Variants in CELF2 observed in about 807,000 individuals in gnomAD.
The protein encoded by CELF2 is CUG triplet repeat RNA-binding protein 2.
In CELF2, 8 loss-of-function variants were observed where a neutral mutation model predicts 62.6. The observed-to-expected ratio is 0.13, with a 90% CI of 0.07 to 0.23. The LOEUF is 0.23. Among genes scored for constraint, CELF2 ranks in the 10% least tolerant of loss-of-function variants. The probability of loss-of-function intolerance (pLI) is 1.00; values close to 1 mark genes in which losing one functional copy is unlikely to be tolerated. For missense variants in CELF2, 333 were observed against 671.0 expected (o/e 0.50, Z 5.56); for synonymous variants, 258 against 250.0 (o/e 1.03, Z -0.30).
chr10:10,569,143 G>A, the CELF2 span, among the ~76,000 whole-genome samples: 125 of 152,232 alleles, frequency 8.2e-4, 1 homozygote, highest in African/African-American at 2.9e-3. Flanking sequence ...AATTTTCTGG[G>A]ATTTGGTAAG....
chr10:10,670,999 T>C, the CELF2 span, among the ~76,000 whole-genome samples: 1 of 151,880 alleles, frequency 6.6e-6, no homozygotes, highest in Non-Finnish European at 1.5e-5. Flanking sequence ...AAACCCCATC[T>C]CTACAAAAAA....
At chr10:10,608,898 C>T in the CELF2 span, among the ~76,000 whole-genome samples, 29 of 152,222 alleles carry the variant, frequency 1.9e-4, no homozygotes, top group African/African-American at 6.7e-4. Flanking sequence ...ATAGGGACCC[C>T]GTGAATCAGC....
chr10:10,580,367 T>C, the CELF2 span, among the ~76,000 whole-genome samples: 2 of 152,152 alleles, frequency 1.3e-5, no homozygotes, highest in African/African-American at 2.4e-5. Context: ...TCTAGAATTG[T>C]TCACTGAAAA....
intron 1 of CELF2, among the ~76,000 whole-genome samples, chr10:11,099,293 C>T (rs2050776882): frequency 6.6e-6 from 1 of 152,154 alleles, no homozygotes; most frequent in Non-Finnish European, 1.5e-5. Flanking sequence ...CAGTGTGGTA[C>T]ATCTGAGAAG....
the CELF2 span, among the ~76,000 whole-genome samples, chr10:10,693,799 A>G: frequency 6.6e-6 from 1 of 151,792 alleles, no homozygotes; most frequent in Non-Finnish European, 1.5e-5. Flanking sequence ...TTATTTGCGT[A>G]GAGGTGTTTG....
intron 1 of CELF2, among the ~76,000 whole-genome samples, chr10:11,048,273 G>A (rs1429345902): frequency 6.6e-6 from 1 of 152,228 alleles, no homozygotes; most frequent in African/African-American, 2.4e-5. Context: ...CTTGACAATA[G>A]AAAAGTTGAC....
intron 1 of CELF2, among the ~76,000 whole-genome samples, chr10:11,123,974 G>A (rs934132314): frequency 6.6e-6 from 1 of 152,142 alleles, no homozygotes; most frequent in African/African-American, 2.4e-5. Flanking sequence ...CATGGCTGGG[G>A]AGGCCTCACA....
chr10:10,751,066 C>T, the CELF2 span, among the ~76,000 whole-genome samples: 1 of 152,228 alleles, frequency 6.6e-6, no homozygotes, highest in Admixed American at 6.5e-5. Context: ...CTGAATATTC[C>T]TTGCACTCTT....
At chr10:11,103,320 G>T (rs1227357362) in intron 1 of CELF2, among the ~76,000 whole-genome samples, 1 of 137,872 alleles carries the variant, frequency 7.3e-6, no homozygotes, top group Non-Finnish European at 1.5e-5. Context: ...ATGCTTTCTT[G>T]TACATTATGG....
chr10:10,896,001 A>G (rs2062526178), intron 1 of CELF2, among the ~76,000 whole-genome samples: 1 of 152,204 alleles, frequency 6.6e-6, no homozygotes, highest in South Asian at 2.1e-4. Context: ...GGTGGCTAGA[A>G]TTCACAGGAG....
At chr10:11,317,496 C>G (rs1346746100) in intron 10 of CELF2, 2 of 152,228 alleles carry the variant, frequency 1.3e-5, no homozygotes, top group Admixed American at 6.5e-5. Flanking sequence ...AATCCGTCAT[C>G]TATACAAAGG....
chr10:10,641,144 C>T, the CELF2 span, among the ~76,000 whole-genome samples: 4 of 152,308 alleles, frequency 2.6e-5, no homozygotes, highest in East Asian at 5.8e-4. Context: ...CTGCACTCAT[C>T]AACAACAATA....
At position 11,260,207 on chromosome 10, in the gene CELF2, T is replaced by C. The variant is rs897173511; in HGVS notation, c.538+2335T>C. 6.6e-6 allele frequency among the ~76,000 whole-genome samples: 1 copy of C among 152,302 alleles called. No individual in the cohort carries two copies. The highest frequency in any genetic ancestry group is 1.9e-4 in the East Asian group (1 of 5,182). On this transcript the variant is annotated intron_variant, in intron 5 of 12. Transcript: ENST00000633077. The surrounding 1 kb of genome is among the most constrained non-coding windows in gnomAD (Gnocchi z 4.2). ...CTTGCAGGGAGTCATTCACGGCTGG[T>C]GTGCTAGCTTTTCGTCTGAGCATAC...
chr10:10,666,857 G>A, the CELF2 span, among the ~76,000 whole-genome samples: 39 of 58,176 alleles, frequency 6.7e-4, 5 homozygotes, highest in African/African-American at 3.6e-3. Context: ...GCGAGACTCC[G>A]TCTCAAAAAA....
At chr10:11,136,171 A>G (rs1439217680) in intron 1 of CELF2, among the ~76,000 whole-genome samples, 1 of 152,234 alleles carries the variant, frequency 6.6e-6, no homozygotes, top group Non-Finnish European at 1.5e-5. Context: ...GGAGATTTTC[A>G]ATCAACTAGC....
the CELF2 span, among the ~76,000 whole-genome samples, chr10:10,705,092 C>T: frequency 5.9e-5 from 9 of 151,940 alleles, no homozygotes; most frequent in African/African-American, 1.4e-4. Flanking sequence ...AGTCTGAGGT[C>T]GGAAGATCGC....
the CELF2 span, among the ~76,000 whole-genome samples, chr10:10,479,522 C>T: frequency 2.0e-5 from 3 of 152,230 alleles, no homozygotes; most frequent in South Asian, 2.1e-4. Flanking sequence ...CGATAAGTAT[C>T]GTGATGGTAA....
chr10:10,750,286 A>C, the CELF2 span, among the ~76,000 whole-genome samples: 1 of 148,550 alleles, frequency 6.7e-6, no homozygotes, highest in Non-Finnish European at 1.5e-5. Flanking sequence ...ATCTCAAAGA[A>C]AAAAAAAAAA....
chr10:11,078,342 T>G (rs1384033519), intron 1 of CELF2, among the ~76,000 whole-genome samples: 1 of 152,176 alleles, frequency 6.6e-6, no homozygotes, highest in Non-Finnish European at 1.5e-5. Flanking sequence ...ACTTATGCTT[T>G]GCTCACAGAA....
Sources: allele counts gnomAD v4.1 joint callset (sites outside exome capture counted in the v4.1 genomes callset), GRCh38; gene constraint gnomAD v4.1.1; non-coding constraint Gnocchi (gnomAD v3.1); transcripts MANE v1.5; gene names NCBI Gene and HGNC (gene_info 2026-07-23, HGNC 2026-07-21).